TRDN: variants seen among roughly 807,000 people sequenced by gnomAD.
TRDN encodes the protein triadin in skeletal muscle.
Under a neutral mutation model 149.7 loss-of-function variants are expected in TRDN, and 161 were observed. The observed-to-expected ratio is 1.08, with a 90% CI of 0.95 to 1.23. TRDN has a LOEUF of 1.23. Among genes scored for constraint, TRDN ranks in the 50% most tolerant of loss-of-function variants. The pLI, the probability that TRDN is intolerant of heterozygous loss-of-function variation, is 0.00. For synonymous variants in TRDN, 294 were observed against 250.5 expected (o/e 1.17, Z -1.64); for missense variants, 896 against 823.5 (o/e 1.09, Z -1.08).
At chr6:123,623,190 A>G (rs1484679068) in intron 1 of TRDN, among the ~76,000 whole-genome samples, 1 of 151,200 alleles carries the variant, frequency 6.6e-6, no homozygotes, top group African/African-American at 2.4e-5. Flanking sequence ...TTCCCTTTCT[A>G]TTATAGAATT....
rs1781162727 is a variant in TRDN at position 123,547,339 on chromosome 6, C to A, written c.424+1G>T. ...TATTATCAAAGGTGAAAACAACTAA[C>A]CTTTTTTTCTCAAGGGAGGCTCATC... On this transcript the variant is annotated splice_donor_variant, in intron 4 of 40. Transcript: ENST00000334268. LOFTEE classifies it high-confidence loss of function. 6.9e-7 allele frequency: 1 copy of A among 1,455,416 alleles called. No homozygotes were observed. The highest frequency in any genetic ancestry group is 9.1e-7 in the Non-Finnish European group (1 of 1,096,330). The allele number at this position is 1,455,416 out of a possible 1,614,324, so 90.2% of individuals were successfully genotyped here.
chr6:123,224,635 G>A (rs1191185707), intron 38 of TRDN, among the ~76,000 whole-genome samples: 3 of 151,568 alleles, frequency 2.0e-5, no homozygotes, highest in Non-Finnish European at 4.4e-5. Flanking sequence ...CTTTGAAAAA[G>A]GTACCAAGAA....
At chr6:123,557,927 C>T (rs73539116) in intron 2 of TRDN, among the ~76,000 whole-genome samples, 4,828 of 152,082 alleles carry the variant, frequency 0.032, 106 homozygotes, top group African/African-American at 0.066. Context: ...TCTCAAAGAC[C>T]TCTTCAACTC....
intron 12 of TRDN, among the ~76,000 whole-genome samples, chr6:123,417,588 CT>C (rs953473835): frequency 1.1e-4 from 17 of 152,154 alleles, no homozygotes; most frequent in Non-Finnish European, 2.1e-4. Context: ...AAAGAGGTTT[CT>C]TTTTTCCTCA....
intron 38 of TRDN, among the ~76,000 whole-genome samples, chr6:123,232,950 A>G (rs2114525496): frequency 6.6e-6 from 1 of 152,138 alleles, no homozygotes; most frequent in African/African-American, 2.4e-5. Flanking sequence ...CCAGCAGTCT[A>G]TTTTGATTTG....
In TRDN at chr6:123,404,599, C is replaced by T. The variant is rs531495362; in HGVS notation, c.1052-10922G>A. 2.0e-5 allele frequency among the ~76,000 whole-genome samples: 3 copies of T among 152,212 alleles called. No individual in the cohort carries two copies. In the East Asian group the frequency reaches 5.8e-4, roughly 30 times the overall value. ...AAGTAGCTGGGATTACAGGCGTGCA[C>T]CACCACACCTGGCTAATTCTATTAA... is the stretch of plus-strand genomic sequence containing the variant. On this transcript the variant is annotated intron_variant, in intron 12 of 40. Transcript: ENST00000334268.
chr6:123,581,408 T>A (rs1783115108), intron 1 of TRDN, among the ~76,000 whole-genome samples: 3 of 152,190 alleles, frequency 2.0e-5, no homozygotes, highest in Non-Finnish European at 4.4e-5. Context: ...TAGGTAGGGA[T>A]CAAGTCATCT....
chr6:123,265,262 G>C, intron 33 of TRDN, 56 bp downstream of exon 33: 2 of 1,266,244 alleles, frequency 1.6e-6, no homozygotes, highest in Non-Finnish European at 2.1e-6. Context: ...CAAAGAAATT[G>C]TGAAATTAAA....
At chr6:123,542,585 G>T (rs1426813074) in intron 4 of TRDN, among the ~76,000 whole-genome samples, 2 of 152,210 alleles carry the variant, frequency 1.3e-5, no homozygotes, top group East Asian at 3.9e-4. Flanking sequence ...ATATATTATA[G>T]ATGGAGGTTT....
intron 38 of TRDN, among the ~76,000 whole-genome samples, chr6:123,234,763 A>G (rs1029217197): frequency 6.6e-6 from 1 of 152,180 alleles, no homozygotes; most frequent in Non-Finnish European, 1.5e-5. Flanking sequence ...AGTAAAGGAA[A>G]TCTTCAAATA....
chr6:123,513,788 T>C (rs2114863600), intron 6 of TRDN, among the ~76,000 whole-genome samples: 1 of 152,280 alleles, frequency 6.6e-6, no homozygotes, highest in Admixed American at 6.5e-5. Context: ...GGTGAGATTT[T>C]GGTATTTTCA....
intron 2 of TRDN, among the ~76,000 whole-genome samples, chr6:123,550,834 C>G (rs1220896839): frequency 6.6e-6 from 1 of 151,994 alleles, no homozygotes; most frequent in African/African-American, 2.4e-5. Context: ...TGTACTTTCA[C>G]TCTTTGCACC....
chr6:123,220,021 C>T (rs559076260), intron 40 of TRDN, among the ~76,000 whole-genome samples: 23 of 151,942 alleles, frequency 1.5e-4, no homozygotes, highest in South Asian at 1.2e-3. Flanking sequence ...AATATTAGAG[C>T]TTAAATTAAA....
intron 23 of TRDN, among the ~76,000 whole-genome samples, chr6:123,322,643 A>T (rs1158643679): frequency 7.3e-6 from 1 of 136,994 alleles, no homozygotes; most frequent in African/African-American, 3.1e-5. Context: ...TATTATTATT[A>T]TTATTATTAT....
intron 4 of TRDN, 115 bp downstream of exon 4, chr6:123,547,225 C>T: frequency 9.6e-6 from 6 of 624,620 alleles, no homozygotes; most frequent in African/African-American, 2.0e-5. Context: ...AAATCTTGAC[C>T]TAATTATTAA....
chr6:123,272,246 T>C (rs1777228445), intron 29 of TRDN, among the ~76,000 whole-genome samples: 1 of 151,990 alleles, frequency 6.6e-6, no homozygotes, highest in Non-Finnish European at 1.5e-5. Flanking sequence ...TTTTCAAAGA[T>C]TCTGGCCTAA....
At chr6:123,534,621 T>C (rs954061804) in intron 4 of TRDN, among the ~76,000 whole-genome samples, 1 of 152,206 alleles carries the variant, frequency 6.6e-6, no homozygotes, top group African/African-American at 2.4e-5. Context: ...TCTTTCCAGC[T>C]AAGGCTATAT....
chr6:123,316,672 T>C (rs1288466822), intron 23 of TRDN, among the ~76,000 whole-genome samples, 177 bp from the exon 24 acceptor site: 1 of 151,908 alleles, frequency 6.6e-6, no homozygotes, highest in African/African-American at 2.4e-5. Context: ...GTATCTTTGG[T>C]AAATTATAAA....
intron 2 of TRDN, among the ~76,000 whole-genome samples, chr6:123,567,242 A>G (rs1468479509): frequency 3.3e-5 from 5 of 152,204 alleles, no homozygotes; most frequent in East Asian, 1.9e-4. Flanking sequence ...ACAATAAACT[A>G]TGTATTGCCT....
Sources: allele counts gnomAD v4.1 joint callset (sites outside exome capture counted in the v4.1 genomes callset), GRCh38; gene constraint gnomAD v4.1.1; transcripts MANE v1.5; gene names NCBI Gene and HGNC (gene_info 2026-07-23, HGNC 2026-07-21).